The following MYO18B variants were observed in gnomAD, a reference collection of about 807,000 sequenced individuals.
MYO18B encodes the protein unconventional myosin-XVIIIb.
In MYO18B, 204 loss-of-function variants were observed where a neutral mutation model predicts 273.0. The observed-to-expected ratio is 0.75, with a 90% CI of 0.67 to 0.84. The LOEUF (loss-of-function observed/expected upper bound fraction) is 0.84, where lower values mean the gene tolerates loss of function less well. Ranked by LOEUF, MYO18B falls within the 40% of genes least tolerant of loss-of-function variation. MYO18B has a pLI of 0.00. For missense variants in MYO18B, 3,212 were observed against 3,287.6 expected (o/e 0.98, Z 0.56); for synonymous variants, 1,330 against 1,305.7 (o/e 1.02, Z -0.40).
intron 9 of MYO18B, among the ~76,000 whole-genome samples, 194 bp from the exon 10 acceptor site, chr22:25,781,533 CTGGGAGG>C (rs2087151262): frequency 1.3e-5 from 2 of 148,498 alleles, no homozygotes; most frequent in South Asian, 4.2e-4. Flanking sequence ...TAGCGTGAAG[CTGGGAGG>C]CGGAGCTTGC....
chr22:25,948,475 TTTC>T (rs1302424702), intron 36 of MYO18B, among the ~76,000 whole-genome samples: 4 of 138,328 alleles, frequency 2.9e-5, no homozygotes, highest in Admixed American at 7.2e-5. Flanking sequence ...TCTTTCTTTC[TTTC>T]TTTCTTTCTC....
rs2092339345 is a variant in MYO18B at position 25,921,379 on chromosome 22, C to T, written c.5487C>T (p.Ser1829=). ...GTMEDGKTSV[S]KEELEKVHSQ... ...TGGAGGATGGCAAGACATCAGTCAG[C>T]AAGGAGGAGCTGGAGAAAGTGCACA... Residue 1829 remains serine, a synonymous_variant, in exon 34 of 44, where the codon AGC becomes AGT. Coordinates refer to ENST00000335473, the MANE Select transcript of MYO18B (RefSeq NM_032608.7). The T allele has an allele frequency of 2.5e-6, 4 of 1,599,790 alleles. No homozygotes were observed. The highest frequency in any genetic ancestry group is 2.6e-6 in the Non-Finnish European group (3 of 1,173,292).
At chr22:25,953,140 C>T (rs1171975211) in intron 38 of MYO18B, among the ~76,000 whole-genome samples, 1 of 152,150 alleles carries the variant, frequency 6.6e-6, no homozygotes, top group Non-Finnish European at 1.5e-5. Context: ...ATTCACATTG[C>T]CCTTGAGCTG....
At chr22:25,911,157 T>A in intron 33 of MYO18B, 107 bp downstream of exon 33, 1 of 829,262 alleles carries the variant, frequency 1.2e-6, no homozygotes, top group Non-Finnish European at 2.0e-6. Context: ...CTCCATCAGC[T>A]CTGTTCCCAC....
At chr22:25,792,032 A>G (rs1282498347) in intron 11 of MYO18B, among the ~76,000 whole-genome samples, 2 of 152,186 alleles carry the variant, frequency 1.3e-5, no homozygotes, top group African/African-American at 2.4e-5. Flanking sequence ...ATCGTGGCTG[A>G]AGACAATGTG....
At chr22:25,835,639 G>C (rs965253409) in intron 17 of MYO18B, among the ~76,000 whole-genome samples, 196 bp downstream of exon 17, 1 of 152,238 alleles carries the variant, frequency 6.6e-6, no homozygotes, top group Non-Finnish European at 1.5e-5. Context: ...TATGTGCTGG[G>C]TACTGTTCCA....
At chr22:25,914,142 G>GT (rs567814565) in intron 33 of MYO18B, among the ~76,000 whole-genome samples, 41 of 151,080 alleles carry the variant, frequency 2.7e-4, no homozygotes, top group African/African-American at 8.0e-4. Context: ...GGCTCATTGG[G>GT]TTTTTTTTTG....
the MYO18B span, among the ~76,000 whole-genome samples, chr22:26,054,995 A>G: frequency 3.3e-5 from 5 of 152,192 alleles, no homozygotes; most frequent in Non-Finnish European, 7.3e-5. Context: ...TGCTGAGTAA[A>G]GCAGACTGGC....
intron 34 of MYO18B, among the ~76,000 whole-genome samples, chr22:25,938,843 T>A (rs1050062112): frequency 1.1e-4 from 16 of 152,328 alleles, no homozygotes; most frequent in Non-Finnish European, 1.5e-4. Flanking sequence ...TTTGCTTTTT[T>A]AAGAGATGGG....
intron 42 of MYO18B, among the ~76,000 whole-genome samples, chr22:26,023,301 T>A (rs1935963479): frequency 6.6e-6 from 1 of 152,218 alleles, no homozygotes; most frequent in African/African-American, 2.4e-5. Context: ...CTACCTTGAT[T>A]GAATTCGACA....
At chr22:25,962,258 G>A (rs1056996827) in intron 39 of MYO18B, among the ~76,000 whole-genome samples, 18 of 152,086 alleles carry the variant, frequency 1.2e-4, no homozygotes, top group Admixed American at 3.3e-4. Context: ...TTGTGTTCCC[G>A]TACCCCCTGT....
intron 3 of MYO18B, among the ~76,000 whole-genome samples, chr22:25,766,638 GC>G (rs1314051830): frequency 1.3e-5 from 2 of 152,142 alleles, no homozygotes; most frequent in African/African-American, 4.8e-5. Context: ...AGGGGAAAGG[GC>G]ACGCCAGGCA....
chr22:25,776,410 T>G (rs1055440585), intron 7 of MYO18B, among the ~76,000 whole-genome samples: 3 of 152,148 alleles, frequency 2.0e-5, no homozygotes, highest in African/African-American at 7.2e-5. Context: ...CAAGCCTGGC[T>G]AACATGGTGA....
At chr22:26,034,361 GTC>G (rs1364184911), downstream of MYO18B, among the ~76,000 whole-genome samples, 2 of 152,210 alleles carry the variant, frequency 1.3e-5, no homozygotes, top group African/African-American at 4.8e-5. Context: ...AGGTCAAAGA[GTC>G]TCTCTCTGTG....
intron 31 of MYO18B, among the ~76,000 whole-genome samples, chr22:25,905,745 T>G (rs1349786269): frequency 1.3e-5 from 2 of 152,192 alleles, no homozygotes; most frequent in African/African-American, 4.8e-5. Context: ...AGTCTCCTTA[T>G]CTGTACAATC....
intron 34 of MYO18B, among the ~76,000 whole-genome samples, chr22:25,945,188 C>T (rs2092690230): frequency 6.6e-6 from 1 of 152,154 alleles, no homozygotes; most frequent in African/African-American, 2.4e-5. Flanking sequence ...TAAAGGGGGT[C>T]TGTGGACCCA....
intron 39 of MYO18B, among the ~76,000 whole-genome samples, chr22:25,962,994 C>T (rs182400890): frequency 3.9e-5 from 6 of 152,278 alleles, no homozygotes; most frequent in Admixed American, 3.9e-4. Flanking sequence ...AGCTCCCCTA[C>T]TGCATGCCAA....
At position 26,027,223 on chromosome 22, in the gene MYO18B, G is replaced by T; in HGVS notation, c.7249G>T (p.Glu2417Ter). The T allele has an allele frequency of 6.2e-7, 1 of 1,613,960 alleles. No homozygotes were observed. The change falls in exon 43 of 44, where the codon GAA (glutamate) becomes TAA (stop). Residue 2417 changes from glutamate to a stop codon, truncating the protein, a stop_gained. Transcript: ENST00000335473. LOFTEE classifies it low-confidence loss of function (END_TRUNC). This position sits in a 1 kb window ranked among gnomAD's most constrained non-coding sequence, Gnocchi z 4.1. ...CCGCCAGTTTGCCCACCTGATGGAG[G>T]AACCTCTAGGCAGTGACCCATTCAG... The part of the protein sequence containing the change: ...QNRQFAHLME[E>*]PLGSDPFSWK...
At position 25,839,104 on chromosome 22, in the gene MYO18B, G is replaced by A. The variant is rs187676086; in HGVS notation, c.3208+3661G>A. 3.6e-4 allele frequency among the ~76,000 whole-genome samples: 52 copies of A among 146,222 alleles called. No homozygotes were observed. The East Asian group carries it at 4.5e-3, about 13-fold the overall frequency. ...TGTATTAGTGTGTATACGTGTGTGC[G>A]TGTGTGTATATATGTATGAGTGTTT... On this transcript the variant is annotated intron_variant, in intron 17 of 43. Coordinates refer to ENST00000335473, the MANE Select transcript of MYO18B (RefSeq NM_032608.7).
Sources: allele counts gnomAD v4.1 joint callset (sites outside exome capture counted in the v4.1 genomes callset), GRCh38; gene constraint gnomAD v4.1.1; non-coding constraint Gnocchi (gnomAD v3.1); transcripts MANE v1.5; gene names NCBI Gene and HGNC (gene_info 2026-07-23, HGNC 2026-07-21).